The following VWCE variants were observed in gnomAD, a reference collection of about 807,000 sequenced individuals.
VWCE encodes von Willebrand factor C and EGF domains.
Under a neutral mutation model 102.9 loss-of-function variants are expected in VWCE, and 68 were observed. The observed-to-expected ratio is 0.66, with a 90% CI of 0.54 to 0.81. The LOEUF (loss-of-function observed/expected upper bound fraction) is 0.81. Among genes scored for constraint, VWCE ranks in the 30% least tolerant of loss-of-function variants. VWCE has a pLI of 0.00. For synonymous variants in VWCE, 497 were observed against 515.4 expected, an observed-to-expected ratio of 0.96 and a Z score of 0.48; for missense variants, 1,137 against 1,263.6, an observed-to-expected ratio of 0.90 and a Z score of 1.52.
intron 11 of VWCE, 40 bp from the exon 12 acceptor site, chr11:61,274,624 G>T: frequency 6.3e-7 from 1 of 1,599,228 alleles, no homozygotes; most frequent in Admixed American, 1.7e-5. Flanking sequence ...AGGTCTTTGG[G>T]CAGAGGCAGC....
intron 4 of VWCE, among the ~76,000 whole-genome samples, chr11:61,287,248 A>T (rs1399420022): frequency 2.6e-5 from 4 of 152,196 alleles, no homozygotes; most frequent in African/African-American, 7.2e-5. Context: ...CACCCCAGGA[A>T]AAAAGAGCAG....
rs939171261 is a variant in VWCE at position 61,259,071 on chromosome 11, G to A, written c.2472C>T (p.His824=). 7 of 1,613,910 alleles carry A rather than the reference G, an allele frequency of 4.3e-6. No individual in the cohort carries two copies. In the African/African-American group the frequency reaches 8.0e-5, roughly 18 times the overall value. ...PTSPAGAHGP[H]SLALGLTATF... Reference sequence around the variant, plus strand: ...TGGCTGTCAGCCCCAAAGCGAGTGAGTGTGGACCATGAGCTCCTGCCGGGC... The same window carrying A: ...TGGCTGTCAGCCCCAAAGCGAGTGAATGTGGACCATGAGCTCCTGCCGGGC... Residue 824 remains histidine, a synonymous_variant, in exon 20 of 20, where the codon CAC becomes CAT. Coordinates refer to ENST00000335613, the MANE Select transcript of VWCE (RefSeq NM_152718.2).
In VWCE at chr11:61,291,537, C is replaced by T. The variant is rs1174676382; in HGVS notation, c.150G>A (p.Gly50=). The change falls in exon 2 of 20, where the codon GGG becomes GGA. Residue 50 remains glycine (G), a synonymous_variant. Transcript: ENST00000335613. ...GCGCCCAGCCAGGGCAGCAGCCACT[C>T]CCAAACCCAGAGAGGCAGACGTGGG... ...LGPHVCLSGF[G]SGCCPGWAPS... 1.3e-6 allele frequency: 2 copies of T among 1,486,760 alleles called. No homozygotes were observed. The highest frequency in any genetic ancestry group is 1.4e-5 in the African/African-American group (1 of 70,246). 92.1% of individuals were successfully genotyped at this position (1,486,760 alleles called of 1,614,324 possible). A position where few individuals can be genotyped will look rare whatever the true frequency, so the allele number is the denominator to read the frequency against.
chr11:61,276,540 CA>C, intron 11 of VWCE, 52 bp downstream of exon 11: 3 of 1,268,198 alleles, frequency 2.4e-6, no homozygotes, highest in African/African-American at 1.8e-5. Flanking sequence ...GTGAGGTCTA[CA>C]AAAAATCTAA....
intron 14 of VWCE, chr11:61,269,501 A>G (rs1854609894): frequency 6.4e-6 from 1 of 156,966 alleles, no homozygotes; most frequent in Admixed American, 6.0e-5. Context: ...GCTGGAGTGC[A>G]ATGGCGCAAT....
Position 61,290,962 on chromosome 11 carries a change from C to T in VWCE, c.296-35G>A, listed in dbSNP as rs139446886. The T allele has an allele frequency of 5.0e-5, 80 of 1,594,594 alleles. 1 individual carries two copies. The highest frequency in any genetic ancestry group is 2.5e-4 in the African/African-American group (19 of 74,748). On this transcript the variant is annotated intron_variant, in intron 3 of 19. Coordinates refer to ENST00000335613, the MANE Select transcript of VWCE (RefSeq NM_152718.2). Reference sequence around the variant, plus strand: ...GCATCACACCAGTGAGCATGCACCCCGTGGCAGTCCCAACCATCCCCACTT... The same window carrying T: ...GCATCACACCAGTGAGCATGCACCCTGTGGCAGTCCCAACCATCCCCACTT...
chr11:61,292,912 A>G (rs1855551598), intron 1 of VWCE, among the ~76,000 whole-genome samples: 1 of 152,050 alleles, frequency 6.6e-6, no homozygotes. Flanking sequence ...GTTTGAGACC[A>G]GCCTGGCCAA....
chr11:61,266,765 A>G (rs1436134365), intron 16 of VWCE, among the ~76,000 whole-genome samples: 1 of 152,170 alleles, frequency 6.6e-6, no homozygotes, highest in Non-Finnish European at 1.5e-5. Context: ...ATGAGATGAT[A>G]AACTCTTGAA....
At chr11:61,288,150 T>G (rs1451685060) in intron 4 of VWCE, among the ~76,000 whole-genome samples, 1 of 121,932 alleles carries the variant, frequency 8.2e-6, no homozygotes, top group South Asian at 2.7e-4. Context: ...AGTGAGACTC[T>G]GTCTCAAAAA....
chr11:61,290,529 A>C (rs1050398913), intron 4 of VWCE, among the ~76,000 whole-genome samples: 2 of 151,922 alleles, frequency 1.3e-5, no homozygotes, highest in African/African-American at 2.4e-5. Context: ...AAAAAAAAAA[A>C]AACTCCCTAA....
chr11:61,294,923 C>T lies in VWCE; in HGVS notation c.110+5G>A. The T allele has an allele frequency of 2.1e-6, 3 of 1,409,998 alleles. No individual in the cohort carries two copies. Among genetic ancestry groups the T allele is most frequent in the South Asian group, 2.9e-5 (2 of 70,084 alleles). The allele number at this position is 1,409,998 out of a possible 1,614,324, so 87.3% of individuals were successfully genotyped here. ...GGGGAGCGGGGAGGAGCTCCGGGCG[C>T]TTACCTCTCGGCCGCGAAGTGCCCG... On this transcript the variant is annotated splice_donor_5th_base_variant and intron_variant, in intron 1 of 19. Coordinates refer to ENST00000335613, the MANE Select transcript of VWCE (RefSeq NM_152718.2). The surrounding 1 kb of genome is among the most constrained non-coding windows in gnomAD (Gnocchi z 6.3).
intron 19 of VWCE, among the ~76,000 whole-genome samples, chr11:61,263,910 TAAGA>T (rs1436494148): frequency 2.6e-5 from 4 of 151,974 alleles, no homozygotes; most frequent in Non-Finnish European, 5.9e-5. Context: ...AGGAAGAGGT[TAAGA>T]AAGGGGATAA....
intron 15 of VWCE, 71 bp from the exon 16 acceptor site, chr11:61,267,615 G>A (rs1854553599): frequency 6.8e-7 from 1 of 1,460,524 alleles, no homozygotes; most frequent in Non-Finnish European, 9.6e-7. Flanking sequence ...CAGGGCCAAG[G>A]TCACAGGCTT....
intron 19 of VWCE, among the ~76,000 whole-genome samples, chr11:61,263,949 G>C (rs915200085): frequency 6.6e-6 from 1 of 151,790 alleles, no homozygotes; most frequent in Non-Finnish European, 1.5e-5. Flanking sequence ...GTGCAGGCCG[G>C]GCGCAGTGGC....
At chr11:61,286,534 G>A in intron 4 of VWCE, 104 bp from the exon 5 acceptor site, 1 of 1,064,198 alleles carries the variant, frequency 9.4e-7, no homozygotes, top group Non-Finnish European at 1.4e-6. Flanking sequence ...CGGGCATGGT[G>A]GCTCACGCCT....
In VWCE at chr11:61,273,283, G is replaced by C. The variant is rs75864807; in HGVS notation, c.1615C>G (p.Pro539Ala). 1,479 of 1,613,664 alleles carry C rather than the reference G, an allele frequency of 9.2e-4. 21 individuals are homozygous for C. The East Asian group carries it at 0.027, about 30-fold the overall frequency. Residue 539 changes from proline to alanine, a missense_variant, in exon 13 of 20, where the codon CCT becomes GCT. Physicochemically the swap from Pro to Ala is conservative, Grantham distance 27. Around this residue, in one of 5 missense-constraint regions of VWCE, gnomAD observed 212 missense variants for 235.1 expected, o/e 0.90. Transcript: ENST00000335613. ...GEVECSFMPC[P>A]ELACPREEWR... is the part of the protein sequence containing the mutation. ...TCTTCTCGGGGGCAGGCCAGCTCAG[G>C]GCAGGGCATGAAGGAGCACTCCACC... is the stretch of plus-strand genomic sequence containing the variant.
At chr11:61,281,729 G>A in intron 7 of VWCE, 57 bp downstream of exon 7, 1 of 1,553,262 alleles carries the variant, frequency 6.4e-7, no homozygotes, top group South Asian at 1.2e-5. Context: ...GGGCGTAGCT[G>A]GGGCAGGCAC....
chr11:61,272,597 C>G (rs988147257), intron 13 of VWCE, among the ~76,000 whole-genome samples: 1 of 152,078 alleles, frequency 6.6e-6, no homozygotes, highest in Non-Finnish European at 1.5e-5. Context: ...CACACACACA[C>G]AGGCACATAC....
rs1854590976 is a variant in VWCE at position 61,268,964 on chromosome 11, G to C, written c.1840C>G (p.Pro614Ala). 6.2e-7 allele frequency: 1 copy of C among 1,614,030 alleles called. No individual in the cohort carries two copies. The highest frequency in any genetic ancestry group is 1.3e-5 in the African/African-American group (1 of 74,944). ...CAGCACTGTCCAGGGATCCGGATCG[G>C]GTGAGGGCAGGAGTCCACACAGTCT... is the stretch of plus-strand genomic sequence containing the variant. ...RTDCVDSCPH[P>A]IRIPGQCCPD... The change falls in exon 15 of 20, where the codon CCG (proline) becomes GCG (alanine). Residue 614 changes from proline to alanine, a missense_variant. By Grantham distance (27) the Pro-to-Ala change is conservative. This residue lies in a region of VWCE where 212 missense variants were observed against 235.1 expected (regional missense o/e 0.90). Coordinates refer to ENST00000335613, the MANE Select transcript of VWCE (RefSeq NM_152718.2).
Sources: allele counts gnomAD v4.1 joint callset (sites outside exome capture counted in the v4.1 genomes callset), GRCh38; gene constraint gnomAD v4.1.1; regional missense constraint gnomAD v4.1.1; non-coding constraint Gnocchi (gnomAD v3.1); transcripts MANE v1.5; gene names NCBI Gene and HGNC (gene_info 2026-07-23, HGNC 2026-07-21).